RBMS1: variants seen among roughly 807,000 people sequenced by gnomAD.
RBMS1 encodes the protein RNA binding motif single stranded interacting protein 1.
A neutral mutation model predicts 62.3 loss-of-function variants in RBMS1; 17 were observed. That is an observed-to-expected ratio of 0.27 (90% CI 0.19 to 0.41). The LOEUF is 0.41. Among genes scored for constraint, RBMS1 ranks in the 10% least tolerant of loss-of-function variants. The probability of loss-of-function intolerance (pLI) is 1.00; values close to 1 mark genes in which losing one functional copy is unlikely to be tolerated. For missense variants in RBMS1, 334 were observed against 504.5 expected, an observed-to-expected ratio of 0.66 and a Z score of 3.24; for synonymous variants, 172 against 170.0, an observed-to-expected ratio of 1.01 and a Z score of -0.09.
chr2:160,302,229 C>G (rs1376680185), intron 5 of RBMS1, among the ~76,000 whole-genome samples: 12 of 149,902 alleles, frequency 8.0e-5, no homozygotes, highest in East Asian at 2.0e-4. Context: ...AAAGACAGAT[C>G]TGTCACCCAG....
intron 1 of RBMS1, among the ~76,000 whole-genome samples, chr2:160,382,454 A>C (rs1324929181): frequency 6.6e-6 from 1 of 152,244 alleles, no homozygotes; most frequent in Admixed American, 6.5e-5. Flanking sequence ...TGATAGCAAG[A>C]ATTATAATTC....
chr2:160,358,413 T>C (rs1221584021), intron 2 of RBMS1, among the ~76,000 whole-genome samples: 1 of 152,164 alleles, frequency 6.6e-6, no homozygotes, highest in Non-Finnish European at 1.5e-5. Context: ...TCAAGTTCCT[T>C]GGTCTAAGCC....
intron 1 of RBMS1, among the ~76,000 whole-genome samples, chr2:160,433,363 G>A (rs571048521): frequency 4.6e-5 from 7 of 152,294 alleles, no homozygotes; most frequent in Admixed American, 3.9e-4. Flanking sequence ...GCAATGAGCC[G>A]AGATTGTGCC....
At chr2:160,360,355 T>C (rs972410568) in intron 2 of RBMS1, among the ~76,000 whole-genome samples, 5 of 152,266 alleles carry the variant, frequency 3.3e-5, no homozygotes, top group South Asian at 2.1e-4. Flanking sequence ...TTTGTCAAAA[T>C]TAGCATCTGA....
intron 1 of RBMS1, among the ~76,000 whole-genome samples, chr2:160,488,360 G>A (rs950830972): frequency 6.6e-6 from 1 of 152,118 alleles, no homozygotes; most frequent in African/African-American, 2.4e-5. Context: ...GGCGGATCAC[G>A]AGGTCCGGAG....
intron 2 of RBMS1, among the ~76,000 whole-genome samples, chr2:160,352,242 A>C (rs1002150738): frequency 1.3e-5 from 2 of 152,090 alleles, no homozygotes; most frequent in African/African-American, 2.4e-5. Context: ...GCCATACTCT[A>C]TGTGCAATGC....
At chr2:160,339,707 T>C (rs975997244) in intron 2 of RBMS1, among the ~76,000 whole-genome samples, 5 of 152,094 alleles carry the variant, frequency 3.3e-5, no homozygotes, top group Non-Finnish European at 4.4e-5. Context: ...TTAAAATATA[T>C]ATATATATAC....
intron 6 of RBMS1, among the ~76,000 whole-genome samples, chr2:160,287,334 C>CT (rs1688453802): frequency 6.6e-6 from 1 of 152,170 alleles, no homozygotes; most frequent in African/African-American, 2.4e-5. Flanking sequence ...TTTCGATTCA[C>CT]TTTCACACTT....
chr2:160,407,727 C>A (rs1695830485), intron 1 of RBMS1: 9 of 981,350 alleles, frequency 9.2e-6, no homozygotes, highest in Non-Finnish European at 9.7e-6. Context: ...GACCTCCGCA[C>A]TCGCCTAAAA....
At chr2:160,464,164 GA>G (rs1684584089) in intron 1 of RBMS1, among the ~76,000 whole-genome samples, 1 of 137,720 alleles carries the variant, frequency 7.3e-6, no homozygotes, top group Non-Finnish European at 1.6e-5. Context: ...ATGTCTCAGA[GA>G]ATTTACCACA....
chr2:160,305,472 C>CCA (rs1164530290), intron 4 of RBMS1, among the ~76,000 whole-genome samples: 1 of 152,158 alleles, frequency 6.6e-6, no homozygotes, highest in African/African-American at 2.4e-5. Flanking sequence ...AGAGGCTATA[C>CCA]CACATAGCCT....
intron 1 of RBMS1, among the ~76,000 whole-genome samples, chr2:160,407,307 T>C (rs1339605615): frequency 6.6e-6 from 1 of 151,104 alleles, no homozygotes; most frequent in Non-Finnish European, 1.5e-5. Flanking sequence ...TCTCCCCTGC[T>C]CAGGTCGCCG....
chr2:160,315,888 T>A lies in RBMS1; in HGVS notation c.310+2281A>T, dbSNP rs1214017237. Among the ~76,000 whole-genome samples, 3 of 152,330 alleles carry A rather than the reference T, an allele frequency of 2.0e-5. No individual in the cohort carries two copies. In the East Asian group the frequency reaches 5.8e-4, roughly 29 times the overall value. On this transcript the variant is annotated intron_variant, in intron 3 of 13. Transcript: ENST00000348849. Reference sequence around the variant, plus strand: ...ATAACTTAGGTACATGTTATTCTAATGTTTCCTTCAGCTTAATTCTCTTGA... The same window carrying A: ...ATAACTTAGGTACATGTTATTCTAAAGTTTCCTTCAGCTTAATTCTCTTGA...
chr2:160,407,752 C>A (rs1424371851), intron 1 of RBMS1: 2 of 981,214 alleles, frequency 2.0e-6, no homozygotes, highest in Non-Finnish European at 2.4e-6. Flanking sequence ...GGCGCGGCAG[C>A]GGGCGAGACT....
At chr2:160,286,341 A>AAAAAAACTCC (rs1688393983) in intron 7 of RBMS1, among the ~76,000 whole-genome samples, 1 of 128,448 alleles carries the variant, frequency 7.8e-6, no homozygotes, top group Non-Finnish European at 1.6e-5. Context: ...TTTTTTTGAG[A>AAAAAAACTCC]TGGAGTCTCG....
intron 1 of RBMS1, among the ~76,000 whole-genome samples, chr2:160,449,492 T>A: frequency 6.6e-6 from 1 of 152,244 alleles, no homozygotes; most frequent in Non-Finnish European, 1.5e-5. Flanking sequence ...GAAAAATTCT[T>A]CTGCCTTGGG....
intron 2 of RBMS1, among the ~76,000 whole-genome samples, chr2:160,353,666 G>A (rs1190835972): frequency 6.6e-6 from 1 of 152,070 alleles, no homozygotes; most frequent in Non-Finnish European, 1.5e-5. Flanking sequence ...AAATCAAGAA[G>A]AGTGGATATT....
intron 1 of RBMS1, among the ~76,000 whole-genome samples, chr2:160,480,597 G>C (rs1251496297): frequency 6.6e-6 from 1 of 152,076 alleles, no homozygotes; most frequent in Non-Finnish European, 1.5e-5. Context: ...TTAAAGTTTG[G>C]AAGATTCATT....
intron 2 of RBMS1, 142 bp from the exon 3 acceptor site, chr2:160,318,369 C>A: frequency 8.0e-7 from 1 of 1,251,288 alleles, no homozygotes; most frequent in Non-Finnish European, 1.1e-6. Context: ...ATTTTCTTTA[C>A]TAAGAGACAG....
Sources: allele counts gnomAD v4.1 joint callset (sites outside exome capture counted in the v4.1 genomes callset), GRCh38; gene constraint gnomAD v4.1.1; transcripts MANE v1.5; gene names NCBI Gene and HGNC (gene_info 2026-07-23, HGNC 2026-07-21).